The following RNH1 variants were observed in gnomAD, a reference collection of about 807,000 sequenced individuals.
RNH1 encodes the protein ribonuclease/angiogenin inhibitor 1, also known as ribonuclease inhibitor.
A neutral mutation model predicts 46.1 loss-of-function variants in RNH1; 38 were observed. The ratio of observed to expected loss-of-function variants is 0.82; its 90% CI spans 0.64 to 1.08. The LOEUF (loss-of-function observed/expected upper bound fraction) is 1.08, where lower values mean the gene tolerates loss of function less well. RNH1 is among the 50% of genes least tolerant of loss of function. The pLI is 0.00. For missense variants in RNH1, 577 were observed against 590.7 expected (o/e 0.98, Z 0.24); for synonymous variants, 319 against 279.1 (o/e 1.14, Z -1.43).
chr11:498,898 C>T lies in RNH1; in HGVS notation c.650G>A (p.Arg217Gln), dbSNP rs762734429. The part of the protein sequence containing the change: ...ESCGVTSDNC[R>Q]DLCGIVASKA... ...GGAGGCCACAATGCCGCACAGGTCC[C>T]GGCAGTTGTCTGATGTCACACCGCA... The change falls in exon 7 of 11, where the codon CGG becomes CAG. Residue 217 changes from arginine to glutamine, a missense_variant. Arg to Gln is a conservative substitution (Grantham distance 43, BLOSUM62 1). Transcript: ENST00000354420. 50 of 1,612,560 alleles carry T rather than the reference C, an allele frequency of 3.1e-5. No individual in the cohort carries two copies. The highest frequency in any genetic ancestry group is 6.7e-5 in the East Asian group (3 of 44,894).
Position 501,014 on chromosome 11 carries a change from G to A in RNH1, c.102-360C>T. On this transcript the variant is annotated intron_variant, in intron 3 of 10. Transcript: ENST00000354420. This position sits in a 1 kb window ranked among gnomAD's most constrained non-coding sequence, Gnocchi z 4.1. ...GTGGTGGCGCATGCCCATAATCCCA[G>A]CTACTCGGGAGGCTGAGGCAGGAGG... is the stretch of plus-strand genomic sequence containing the variant. 1 of 373,046 alleles carries A rather than the reference G, an allele frequency of 2.7e-6. No homozygotes were observed. The highest frequency in any genetic ancestry group is 5.2e-6 in the Non-Finnish European group (1 of 192,024). The allele number at this position is 373,046 out of a possible 1,614,324, so 23.1% of individuals were successfully genotyped here.
At chr11:498,245 C>CT in intron 8 of RNH1, 104 bp from the exon 9 acceptor site, 1 of 1,363,912 alleles carries the variant, frequency 7.3e-7, no homozygotes, top group South Asian at 1.4e-5. Flanking sequence ...GCAAAAACAT[C>CT]TGACAGCCTC....
In RNH1 at chr11:502,148, G is replaced by T. The variant is rs148674970; in HGVS notation, c.15C>A (p.Ile5=). MSLD[I]QSLDIQCEEL... is the part of the protein sequence containing the mutation. Reference sequence around the variant, plus strand: ...CCTCACACTGGATGTCCAGGCTCTGGATGTCCAGGCTCATGGTGGAGGTGA... The same window carrying T: ...CCTCACACTGGATGTCCAGGCTCTGTATGTCCAGGCTCATGGTGGAGGTGA... Residue 5 remains isoleucine (I), a synonymous_variant, in exon 3 of 11, where the codon ATC becomes ATA. Transcript: ENST00000354420. The surrounding 1 kb of genome is among the most constrained non-coding windows in gnomAD (Gnocchi z 5.8). 80 of 1,607,322 alleles carry T rather than the reference G, an allele frequency of 5.0e-5. No homozygotes were observed. The African/African-American group carries it at 8.9e-4, about 18-fold the overall frequency.
At chr11:505,547 C>T (rs1267667844) in intron 1 of RNH1, 1 of 152,178 alleles carries the variant, frequency 6.6e-6, no homozygotes, top group African/African-American at 2.4e-5. Context: ...ATTTTAACCT[C>T]CTAAAACTCA....
At chr11:495,410 G>A (rs912324256) in intron 9 of RNH1, among the ~76,000 whole-genome samples, 6 of 152,224 alleles carry the variant, frequency 3.9e-5, no homozygotes, top group Non-Finnish European at 7.3e-5. Context: ...AGAGACTGAG[G>A]AGCAGCTGTG....
chr11:496,465 C>G (rs183587394), intron 9 of RNH1, among the ~76,000 whole-genome samples: 42 of 152,298 alleles, frequency 2.8e-4, no homozygotes, highest in Non-Finnish European at 4.9e-4. Flanking sequence ...GTCAGGATAT[C>G]AAGACCATAC....
At chr11:496,307 G>T (rs777823910) in intron 9 of RNH1, among the ~76,000 whole-genome samples, 2 of 152,180 alleles carry the variant, frequency 1.3e-5, no homozygotes, top group African/African-American at 2.4e-5. Flanking sequence ...GCTGAGGCAG[G>T]CTCATCACTT....
intron 1 of RNH1, chr11:505,338 G>A (rs1431098895): frequency 6.6e-6 from 1 of 152,178 alleles, no homozygotes; most frequent in African/African-American, 2.4e-5. Context: ...TGGCAAAAGG[G>A]ACTTTGCAAA....
chr11:502,106 T>C lies in RNH1; in HGVS notation c.57A>G (p.Arg19=). Residue 19 remains arginine (R), a synonymous_variant, in exon 3 of 11, where the codon AGA becomes AGG. Coordinates refer to ENST00000354420, the MANE Select transcript of RNH1 (RefSeq NM_203387.3). This position sits in a 1 kb window ranked among gnomAD's most constrained non-coding sequence, Gnocchi z 5.8. ...DIQCEELSDA[R]WAELLPLLQQ... The stretch of plus-strand genomic sequence containing the variant: ...GGAGCAGAGGGAGGAGCTCGGCCCA[T>C]CTAGCGTCGCTCAGCTCCTCACACT... 1 of 1,612,234 alleles carries C rather than the reference T, an allele frequency of 6.2e-7. No homozygotes were observed. Among genetic ancestry groups the C allele is most frequent in the Non-Finnish European group, 8.5e-7 (1 of 1,179,564 alleles).
chr11:494,945 G>T lies in RNH1; in HGVS notation c.1236C>A (p.Asp412Glu), dbSNP rs752335636. ...TCTCCACCAGCTGCAGGATGCCGGCGTCCCCCAGGCAGTTGTTGCTGAGGT... is the reference window on the plus strand; with the variant it reads ...TCTCCACCAGCTGCAGGATGCCGGCTTCCCCCAGGCAGTTGTTGCTGAGGT... Reference protein sequence around the residue: ...ELDLSNNCLGDAGILQLVESV... With the variant: ...ELDLSNNCLGEAGILQLVESV... The change falls in exon 10 of 11, where the codon GAC becomes GAA. Residue 412 changes from aspartate to glutamate, a missense_variant. Transcript: ENST00000354420. The T allele has an allele frequency of 2.5e-6, 4 of 1,608,034 alleles. No homozygotes were observed. The South Asian group carries it at 4.4e-5, about 18-fold the overall frequency.
chr11:499,219 A>G (rs1395937569), intron 5 of RNH1, 34 bp from the exon 6 acceptor site: 1 of 1,606,356 alleles, frequency 6.2e-7, no homozygotes, highest in Admixed American at 1.7e-5. Flanking sequence ...CCACACAGGA[A>G]TGTGCACCAG....
chr11:497,330 C>A (rs1438423846), intron 9 of RNH1, among the ~76,000 whole-genome samples: 1 of 149,912 alleles, frequency 6.7e-6, no homozygotes, highest in Non-Finnish European at 1.5e-5. Flanking sequence ...CCCTCGTGCT[C>A]ACTCTCACGT....
chr11:497,490 CACACGG>C (rs1160090714), intron 9 of RNH1, among the ~76,000 whole-genome samples: 10 of 145,920 alleles, frequency 6.9e-5, no homozygotes, highest in Non-Finnish European at 1.4e-4. Flanking sequence ...TGCTCACACT[CACACGG>C]ACACTCGTGC....
At position 497,485 on chromosome 11, in the gene RNH1, ACACT is replaced by A. The variant is rs1181896569; in HGVS notation, c.1127+482_1127+485del. Reference sequence around the variant, plus strand: ...CGTGCTCCCTCTCGCCCATGTGCTCACACTCACACGGACACTCGTGCTCATTCTT... The same window carrying A: ...CGTGCTCCCTCTCGCCCATGTGCTCACACACGGACACTCGTGCTCATTCTT... On this transcript the variant is annotated intron_variant, in intron 9 of 10. Coordinates refer to ENST00000354420, the MANE Select transcript of RNH1 (RefSeq NM_203387.3). Among the ~76,000 whole-genome samples, 96 of 132,366 alleles carry A rather than the reference ACACT, an allele frequency of 7.3e-4. 3 individuals are homozygous for A. Among genetic ancestry groups the A allele is most frequent in the South Asian group, 3.6e-3 (15 of 4,130 alleles). The allele number at this position is 132,366 out of a possible 152,430, so 86.8% of individuals were successfully genotyped here. A position where few individuals can be genotyped will look rare whatever the true frequency, so the allele number is the denominator to read the frequency against.
Position 494,745 on chromosome 11 carries a change from C to A in RNH1, c.1332G>T (p.Glu444Asp). ...LYDIYWSEEM[E>D]DRLQALEKDK... is the part of the protein sequence containing the mutation. The stretch of plus-strand genomic sequence containing the variant: ...CCTTCTCCAGGGCCTGCAGCCGGTC[C>A]TCCATCTCCTCAGACCAGTAAATGT... Residue 444 changes from glutamate (E) to aspartate (D), a missense_variant, in exon 11 of 11, where the codon GAG (glutamate) becomes GAT (aspartate). Physicochemically the swap from Glu to Asp is conservative, Grantham distance 45 (BLOSUM62 2). Coordinates refer to ENST00000354420, the MANE Select transcript of RNH1 (RefSeq NM_203387.3). 6.2e-7 allele frequency: 1 copy of A among 1,614,016 alleles called. No homozygotes were observed. The highest frequency in any genetic ancestry group is 8.5e-7 in the Non-Finnish European group (1 of 1,180,004).
intron 4 of RNH1, 109 bp from the exon 5 acceptor site, chr11:500,108 C>G: frequency 7.9e-7 from 1 of 1,264,282 alleles, no homozygotes. Flanking sequence ...CAGGTCTATA[C>G]CTGCTCCTTC....
At position 499,901 on chromosome 11, in the gene RNH1, A is replaced by C. The variant is rs1173767248; in HGVS notation, c.371T>G (p.Leu124Arg). ...TLQELHLSDN[L>R]LGDAGLQLLC... ...CAGCTGCAGGCCCGCATCCCCCAAG[A>C]GGTTGTCGCTGAGGTGCAGCTCCTG... Residue 124 changes from leucine (L) to arginine (R), a missense_variant, in exon 5 of 11, where the codon CTC becomes CGC. Physicochemically the swap from Leu to Arg is moderately radical, Grantham distance 102. Transcript: ENST00000354420. The C allele has an allele frequency of 6.2e-7, 1 of 1,613,178 alleles. No individual in the cohort carries two copies. The highest frequency in any genetic ancestry group is 1.7e-5 in the Admixed American group (1 of 60,010).
chr11:498,521 C>T lies in RNH1; in HGVS notation c.892G>A (p.Asp298Asn). The T allele has an allele frequency of 6.2e-7, 1 of 1,613,320 alleles. No homozygotes were observed. The highest frequency in any genetic ancestry group is 8.5e-7 in the Non-Finnish European group (1 of 1,180,014). Residue 298 changes from aspartate to asparagine, a missense_variant, in exon 8 of 11, where the codon GAT becomes AAT. By Grantham distance (23) the Asp-to-Asn change is conservative. Transcript: ENST00000354420. ...ELSLAGNELG[D>N]EGARLLCETL... The stretch of plus-strand genomic sequence containing the variant: ...TCACACAGCAGTCGGGCACCCTCAT[C>T]CCCCAGCTCGTTGCCGGCCAGGCTG...
intron 5 of RNH1, chr11:499,511 C>T (rs1045431475): frequency 7.6e-5 from 53 of 697,022 alleles, no homozygotes; most frequent in Non-Finnish European, 1.3e-4. Context: ...GTCCCCCACA[C>T]ACACTGAGGC....
Sources: gnomAD v4.1 joint callset for allele counts (sites outside exome capture counted in the v4.1 genomes callset) on GRCh38, gnomAD v4.1.1 for gene constraint, Gnocchi (gnomAD v3.1) non-coding constraint, MANE v1.5 for transcripts, NCBI Gene and HGNC (gene_info 2026-07-23, HGNC 2026-07-21) for gene names.